Variants in ARHGAP6 observed in about 807,000 individuals in gnomAD.
The protein encoded by ARHGAP6 is Rho GTPase activating protein 6, also known as rho GTPase-activating protein 6.
ARHGAP6 carries 16 observed loss-of-function variants against 55.7 expected under a neutral mutation model. That is an observed-to-expected ratio of 0.29 (90% confidence interval 0.19 to 0.44). The LOEUF (loss-of-function observed/expected upper bound fraction) is 0.44, where lower values mean the gene tolerates loss of function less well. Ranked by LOEUF, ARHGAP6 falls within the 20% of genes least tolerant of loss-of-function variation. The pLI is 1.00. For synonymous variants in ARHGAP6, 382 were observed against 360.9 expected, an observed-to-expected ratio of 1.06 and a Z score of -0.66; for missense variants, 698 against 808.9, an observed-to-expected ratio of 0.86 and a Z score of 1.66.
chrX:11,646,122 C>T lies in ARHGAP6; in HGVS notation c.588+18119G>A, dbSNP rs754035504. Among the ~76,000 whole-genome samples the T allele has an allele frequency of 9.0e-5, 10 of 111,214 alleles. No homozygotes were observed. In the South Asian group the frequency reaches 1.9e-3, roughly 21 times the overall value. ...TGCATGGTGGCAGGAAAGAGAAAAGCGAAGGAGGAACTTCCACACACTTAT... is the reference window on the plus strand; with the variant it reads ...TGCATGGTGGCAGGAAAGAGAAAAGTGAAGGAGGAACTTCCACACACTTAT... On this transcript the variant is annotated intron_variant, in intron 1 of 12. Transcript: ENST00000337414.
intron 1 of ARHGAP6, among the ~76,000 whole-genome samples, chrX:11,583,945 C>A (rs1391354226): frequency 8.9e-6 from 1 of 111,828 alleles, no homozygotes; most frequent in Non-Finnish European, 1.9e-5. Context: ...GGCAAAGATG[C>A]CTAAAATTGA....
At chrX:11,202,923 C>G (rs2147373301) in intron 2 of ARHGAP6, among the ~76,000 whole-genome samples, 1 of 108,762 alleles carries the variant, frequency 9.2e-6, no homozygotes, top group East Asian at 2.9e-4. Context: ...AACAGACAGC[C>G]TTGTTCCAAA....
rs775163233 is a variant in ARHGAP6 at position 11,296,753 on chromosome X, T to C, written c.589-42046A>G. On this transcript the variant is annotated intron_variant, in intron 1 of 12. Coordinates refer to ENST00000337414, the MANE Select transcript of ARHGAP6 (RefSeq NM_013427.3). ...CTCTCTCCCTTCCTCTCTCTTTCTA[T>C]TCTCCTCCCCTCCTCCCTGTAAAAG... The C allele has an allele frequency of 8.4e-6, 10 of 1,190,056 alleles. No individual in the cohort carries two copies. The Admixed American group carries it at 2.2e-4, about 26-fold the overall frequency.
At chrX:11,203,537 TA>T (rs1242647472) in intron 2 of ARHGAP6, among the ~76,000 whole-genome samples, 2 of 111,918 alleles carry the variant, frequency 1.8e-5, no homozygotes, top group African/African-American at 3.2e-5. Context: ...TTGTCCTCTG[TA>T]ATAACATTAA....
chrX:11,410,371 A>T (rs1305462314), intron 1 of ARHGAP6, among the ~76,000 whole-genome samples: 1 of 112,667 alleles, frequency 8.9e-6, no homozygotes, highest in Non-Finnish European at 1.9e-5. Flanking sequence ...AGACAGTCAC[A>T]AAGGACCACG....
intron 1 of ARHGAP6, among the ~76,000 whole-genome samples, chrX:11,477,622 A>G (rs1202425297): frequency 3.6e-5 from 4 of 112,293 alleles, no homozygotes; most frequent in Non-Finnish European, 7.5e-5. Context: ...TCCACAGATG[A>G]ACAAGTAAAC....
At chrX:11,548,952 A>C (rs2051239615) in intron 1 of ARHGAP6, among the ~76,000 whole-genome samples, 1 of 112,503 alleles carries the variant, frequency 8.9e-6, no homozygotes, top group East Asian at 2.8e-4. Flanking sequence ...TATATGTAGA[A>C]GAATAAAACT....
At chrX:11,276,878 T>C (rs2047775899) in intron 1 of ARHGAP6, among the ~76,000 whole-genome samples, 1 of 112,138 alleles carries the variant, frequency 8.9e-6, no homozygotes, top group East Asian at 2.8e-4. Flanking sequence ...TAGAAGAGCT[T>C]GGACATAAAA....
chrX:11,435,260 A>G (rs1454170261), intron 1 of ARHGAP6, among the ~76,000 whole-genome samples: 1 of 112,632 alleles, frequency 8.9e-6, no homozygotes, highest in African/African-American at 3.2e-5. Flanking sequence ...TATGGTCAAA[A>G]TAATTCTAAT....
chrX:11,189,572 C>T (rs1386286619), intron 3 of ARHGAP6, among the ~76,000 whole-genome samples: 2 of 111,615 alleles, frequency 1.8e-5, no homozygotes, highest in African/African-American at 3.3e-5. Flanking sequence ...CGTTGTGTTC[C>T]TCATCCCTAC....
chrX:11,196,299 T>C lies in ARHGAP6; in HGVS notation c.820+626A>G, dbSNP rs777056394. On this transcript the variant is annotated intron_variant, in intron 3 of 12. Transcript: ENST00000337414. ...AATTTAGGGGGTGGTAGGGTGGGCA[T>C]TGGGTGAGTTTCAGGCCTTTGATAG... Among the ~76,000 whole-genome samples, 185 of 111,337 alleles carry C rather than the reference T, an allele frequency of 1.7e-3. 1 individual carries two copies. Among genetic ancestry groups the C allele is most frequent in the Non-Finnish European group, 2.1e-3 (114 of 53,096 alleles).
chrX:11,241,078 CAAA>C (rs59066875), intron 2 of ARHGAP6, among the ~76,000 whole-genome samples: 13 of 52,929 alleles, frequency 2.5e-4, no homozygotes, highest in African/African-American at 1.2e-4. Flanking sequence ...GCCTGGGCGA[CAAA>C]AAAAAAAAAA....
At chrX:11,434,475 G>T (rs898177075) in intron 1 of ARHGAP6, among the ~76,000 whole-genome samples, 1 of 110,859 alleles carries the variant, frequency 9.0e-6, no homozygotes, top group Non-Finnish European at 1.9e-5. Context: ...GGCCATCTGT[G>T]TGATCAAAAC....
intron 1 of ARHGAP6, among the ~76,000 whole-genome samples, chrX:11,293,035 C>T (rs1441848279): frequency 8.9e-6 from 1 of 112,213 alleles, no homozygotes; most frequent in African/African-American, 3.2e-5. Flanking sequence ...TGGAGGATAT[C>T]CAGATTACAC....
intron 2 of ARHGAP6, among the ~76,000 whole-genome samples, chrX:11,231,769 T>C (rs1317753782): frequency 8.9e-6 from 1 of 112,016 alleles, no homozygotes; most frequent in Non-Finnish European, 1.9e-5. Flanking sequence ...TGCATTCTTA[T>C]CCAGGTGAAT....
At chrX:11,300,185 C>T (rs1025495635) in intron 1 of ARHGAP6, among the ~76,000 whole-genome samples, 2 of 111,731 alleles carry the variant, frequency 1.8e-5, no homozygotes, top group Non-Finnish European at 3.8e-5. Flanking sequence ...GTGCTCACAT[C>T]TTGACAAAGC....
chrX:11,438,089 TTGAC>T (rs778400736), intron 1 of ARHGAP6, among the ~76,000 whole-genome samples: 77 of 112,606 alleles, frequency 6.8e-4, no homozygotes, highest in Admixed American at 3.7e-3. Context: ...GATAAATGCT[TTGAC>T]TGACATCTTT....
At chrX:11,222,224 A>C (rs2046982755) in intron 2 of ARHGAP6, among the ~76,000 whole-genome samples, 1 of 111,975 alleles carries the variant, frequency 8.9e-6, no homozygotes, top group Non-Finnish European at 1.9e-5. Context: ...TTTATTCAAA[A>C]AAGTTTGAGA....
chrX:11,358,216 C>A (rs2048957200), intron 1 of ARHGAP6, among the ~76,000 whole-genome samples: 1 of 111,884 alleles, frequency 8.9e-6, no homozygotes, highest in Non-Finnish European at 1.9e-5. Context: ...GGAATCATCC[C>A]TTTTGTGGCT....
Sources: gnomAD v4.1 joint callset for allele counts (sites outside exome capture counted in the v4.1 genomes callset) on GRCh38, gnomAD v4.1.1 for gene constraint, MANE v1.5 for transcripts, NCBI Gene and HGNC (gene_info 2026-07-23, HGNC 2026-07-21) for gene names.